Variants in IGF2BP1 observed in about 807,000 individuals in gnomAD.
IGF2BP1 encodes the protein insulin like growth factor 2 mRNA binding protein 1.
A neutral mutation model predicts 74.9 loss-of-function variants in IGF2BP1; 11 were observed. The ratio of observed to expected loss-of-function variants is 0.15; its 90% CI spans 0.09 to 0.24. IGF2BP1 has a LOEUF of 0.24. Ranked by LOEUF, IGF2BP1 falls within the 10% of genes least tolerant of loss-of-function variation. The pLI, the probability that IGF2BP1 is intolerant of heterozygous loss-of-function variation, is 1.00. For synonymous variants in IGF2BP1, 287 were observed against 281.8 expected (o/e 1.02, Z -0.18); for missense variants, 440 against 757.4 (o/e 0.58, Z 4.92).
At chr17:49,046,201 C>T (rs934887737) in intron 13 of IGF2BP1, 59 bp from the exon 14 acceptor site, 155 of 1,516,462 alleles carry the variant, frequency 1.0e-4, no homozygotes, top group Non-Finnish European at 1.4e-4. Context: ...TGGCTCCTCC[C>T]TCCAACCCCA....
At chr17:49,035,184 GT>G (rs1163174509) in intron 5 of IGF2BP1, among the ~76,000 whole-genome samples, 2 of 152,220 alleles carry the variant, frequency 1.3e-5, no homozygotes, top group Non-Finnish European at 2.9e-5. Context: ...TAAAAAGACA[GT>G]TTATTAGGAA....
At chr17:49,015,756 G>A (rs967212482) in intron 2 of IGF2BP1, among the ~76,000 whole-genome samples, 2 of 152,180 alleles carry the variant, frequency 1.3e-5, no homozygotes, top group African/African-American at 4.8e-5. Context: ...GAGCTGGACT[G>A]TCCCAGAGCT....
At chr17:49,047,514 A>G (rs893637263) in intron 14 of IGF2BP1, among the ~76,000 whole-genome samples, 2 of 151,832 alleles carry the variant, frequency 1.3e-5, no homozygotes, top group African/African-American at 4.8e-5. Context: ...TCTTTAATTC[A>G]GCGTTTTTTT....
intron 2 of IGF2BP1, among the ~76,000 whole-genome samples, chr17:49,021,039 G>A (rs979829128): frequency 9.9e-5 from 15 of 151,876 alleles, no homozygotes; most frequent in African/African-American, 1.5e-4. Context: ...GCTGCTCAGG[G>A]GGCTGAGGTG....
At chr17:48,999,819 C>T (rs993371909) in intron 2 of IGF2BP1, among the ~76,000 whole-genome samples, 3 of 151,804 alleles carry the variant, frequency 2.0e-5, no homozygotes, top group African/African-American at 7.3e-5. Context: ...CCCCTACCCC[C>T]ACTCCTTCAG....
intron 11 of IGF2BP1, 102 bp from the exon 12 acceptor site, chr17:49,044,889 G>T: frequency 1.1e-5 from 10 of 944,064 alleles, no homozygotes; most frequent in Non-Finnish European, 1.7e-5. Flanking sequence ...CTTCAGAATG[G>T]GTAGTTGGGA....
In IGF2BP1 at chr17:49,055,635, G is replaced by T; in HGVS notation, c.*6191G>T. The T allele has an allele frequency of 2.5e-6, 1 of 398,508 alleles. No individual in the cohort carries two copies. Among genetic ancestry groups the T allele is most frequent in the Non-Finnish European group, 4.4e-6 (1 of 226,048 alleles). The allele number at this position is 398,508 out of a possible 1,614,324, so 24.7% of individuals were successfully genotyped here. ...TTATGTGTTACCATAATGAATAAAC[G>T]TCCTCTATCACCATTTGGAGTCTCC... is the stretch of plus-strand genomic sequence containing the variant. On this transcript the variant is annotated 3_prime_UTR_variant, in exon 15 of 15. Transcript: ENST00000290341.
chr17:49,014,683 CGCGGA>C, intron 2 of IGF2BP1: 2 of 741,706 alleles, frequency 2.7e-6, no homozygotes, highest in Non-Finnish European at 3.3e-6. Context: ...TAGGGGGAGA[CGCGGA>C]TCCCTGAGGG....
intron 14 of IGF2BP1, 80 bp downstream of exon 14, chr17:49,046,453 C>A: frequency 9.3e-7 from 1 of 1,076,264 alleles, no homozygotes; most frequent in Non-Finnish European, 1.4e-6. Flanking sequence ...AGAGGTTGAC[C>A]TTCATGACGT....
intron 5 of IGF2BP1, among the ~76,000 whole-genome samples, chr17:49,035,907 C>G (rs1200107617): frequency 6.6e-6 from 1 of 152,216 alleles, no homozygotes; most frequent in Non-Finnish European, 1.5e-5. Flanking sequence ...GGGGCCGGAC[C>G]TCCTTGTGGG....
intron 2 of IGF2BP1, among the ~76,000 whole-genome samples, chr17:49,004,402 G>A (rs1255571695): frequency 6.6e-6 from 1 of 152,204 alleles, no homozygotes; most frequent in Non-Finnish European, 1.5e-5. Context: ...AATGTGAAGT[G>A]AAAAGAGGCA....
intron 2 of IGF2BP1, among the ~76,000 whole-genome samples, chr17:49,008,350 T>C (rs939593990): frequency 1.1e-4 from 17 of 152,308 alleles, no homozygotes; most frequent in Admixed American, 2.0e-4. Flanking sequence ...CTACAACTTA[T>C]TTAAACTTAT....
At chr17:48,998,669 G>A (rs1291723322) in intron 1 of IGF2BP1, among the ~76,000 whole-genome samples, 2 of 151,912 alleles carry the variant, frequency 1.3e-5, no homozygotes, top group Admixed American at 6.5e-5. Context: ...CCGCTCCGTG[G>A]CCCAAAGCCC....
chr17:49,026,667 GCCTTCCTTCCTGCCTT>G (rs2041860211), intron 4 of IGF2BP1, 150 bp downstream of exon 4: 4 of 595,166 alleles, frequency 6.7e-6, no homozygotes, highest in Non-Finnish European at 9.0e-6. Flanking sequence ...CTGCCTTCCT[GCCTTCCTTCCTGCCTT>G]CCTGCCTTCC....
intron 2 of IGF2BP1, among the ~76,000 whole-genome samples, chr17:49,016,729 C>T (rs972916302): frequency 1.3e-5 from 2 of 152,014 alleles, no homozygotes; most frequent in African/African-American, 2.4e-5. Flanking sequence ...CCCACATCTC[C>T]CAGTAGGTCA....
chr17:49,043,094 G>T (rs982975131), intron 9 of IGF2BP1, among the ~76,000 whole-genome samples: 2 of 152,136 alleles, frequency 1.3e-5, no homozygotes, highest in Non-Finnish European at 2.9e-5. Context: ...TCTCATATAG[G>T]GGGTTATAGT....
At chr17:49,041,607 C>T (rs2144128523) in intron 8 of IGF2BP1, 107 bp downstream of exon 8, 3 of 1,416,920 alleles carry the variant, frequency 2.1e-6, no homozygotes, top group Non-Finnish European at 1.9e-6. Flanking sequence ...ATGGGTGCTC[C>T]TTCTGCCTCT....
At chr17:49,039,040 G>C (rs2042020029) in intron 6 of IGF2BP1, among the ~76,000 whole-genome samples, 1 of 151,874 alleles carries the variant, frequency 6.6e-6, no homozygotes, top group Non-Finnish European at 1.5e-5. Flanking sequence ...ACCATGCCCA[G>C]CTAATTTTTG....
chr17:49,024,083 A>ATTTTTT (rs765273098), intron 2 of IGF2BP1, among the ~76,000 whole-genome samples: 2 of 78,104 alleles, frequency 2.6e-5, no homozygotes, highest in South Asian at 4.2e-4. Flanking sequence ...CACCCTGCTA[A>ATTTTTT]TTTTTTTTTT....
Sources: allele counts gnomAD v4.1 joint callset (sites outside exome capture counted in the v4.1 genomes callset), GRCh38; gene constraint gnomAD v4.1.1; transcripts MANE v1.5; gene names NCBI Gene and HGNC (gene_info 2026-07-23, HGNC 2026-07-21).